The following LSAMP variants were observed in gnomAD, a reference collection of about 807,000 sequenced individuals.
The protein encoded by LSAMP is limbic system associated membrane protein, also known as limbic system-associated membrane protein.
A neutral mutation model predicts 38.6 loss-of-function variants in LSAMP; 7 were observed. The ratio of observed to expected loss-of-function variants is 0.18; its 90% CI spans 0.10 to 0.34. The LOEUF is 0.34. LSAMP is among the 10% of genes least tolerant of loss of function. LSAMP has a pLI of 1.00. For synonymous variants in LSAMP, 154 were observed against 166.8 expected (o/e 0.92, Z 0.59); for missense variants, 313 against 420.0 (o/e 0.75, Z 2.23).
chr3:116,293,921 C>T (rs1221942812), intron 1 of LSAMP, among the ~76,000 whole-genome samples: 4 of 152,028 alleles, frequency 2.6e-5, no homozygotes, highest in Non-Finnish European at 5.9e-5. Context: ...TAATGATACA[C>T]TATACATATA....
intron 1 of LSAMP, among the ~76,000 whole-genome samples, chr3:116,360,369 A>G (rs1576161701): frequency 6.9e-5 from 2 of 29,028 alleles, no homozygotes; most frequent in African/African-American, 3.8e-4. Context: ...CGCCCACGGA[A>G]TCTCGCTGAT....
chr3:116,411,500 A>G (rs1448185190), intron 1 of LSAMP, among the ~76,000 whole-genome samples: 1 of 151,560 alleles, frequency 6.6e-6, no homozygotes, highest in Non-Finnish European at 1.5e-5. Flanking sequence ...ATTGGAAATC[A>G]TCATTCTCAG....
Position 116,027,470 on chromosome 3 carries a change from C to T in LSAMP, c.389-7830G>A, listed in dbSNP as rs564509857. 2.0e-5 allele frequency among the ~76,000 whole-genome samples: 3 copies of T among 152,248 alleles called. No individual in the cohort carries two copies. In the South Asian group the frequency reaches 6.2e-4, roughly 32 times the overall value. On this transcript the variant is annotated intron_variant, in intron 2 of 6. Coordinates refer to ENST00000490035, the MANE Select transcript of LSAMP (RefSeq NM_002338.5). ...TATTTCATATTCTTCCAATGGACCACCTGCTTTATACATCAGACTAGCCAG... is the reference window on the plus strand; with the variant it reads ...TATTTCATATTCTTCCAATGGACCATCTGCTTTATACATCAGACTAGCCAG...
intron 3 of LSAMP, among the ~76,000 whole-genome samples, chr3:115,968,859 G>T (rs1011386549): frequency 2.0e-5 from 3 of 152,326 alleles, no homozygotes; most frequent in Admixed American, 6.5e-5. Context: ...AGGCTTGTTG[G>T]AACTCAGGTT....
chr3:116,427,626 T>TA (rs1483102636), intron 1 of LSAMP, among the ~76,000 whole-genome samples: 2 of 151,914 alleles, frequency 1.3e-5, no homozygotes, highest in Non-Finnish European at 2.9e-5. Flanking sequence ...GTCTTTCTCT[T>TA]AAAAAAATAA....
intron 2 of LSAMP, among the ~76,000 whole-genome samples, chr3:116,058,360 A>C (rs1941529503): frequency 6.6e-6 from 1 of 152,102 alleles, no homozygotes; most frequent in African/African-American, 2.4e-5. Context: ...GGAATGTGAG[A>C]TATCCAACCT....
Position 115,842,570 on chromosome 3 carries a change from T to C in LSAMP, c.658A>G (p.Thr220Ala), listed in dbSNP as rs776483216. ...TCATTGCTCTTGGATTCTGTGATAG[T>C]GGGAGGATCTGTAGGAAGGACAGGC... Reference protein sequence around the residue: ...QVKVTVNYPPTITESKSNEAT... With the variant: ...QVKVTVNYPPAITESKSNEAT... Residue 220 changes from threonine to alanine, a missense_variant, in exon 5 of 7, where the codon ACT becomes GCT. Thr to Ala is a moderately conservative substitution (Grantham distance 58). Coordinates refer to ENST00000490035, the MANE Select transcript of LSAMP (RefSeq NM_002338.5). 28 of 1,613,076 alleles carry C rather than the reference T, an allele frequency of 1.7e-5. No individual in the cohort carries two copies. The highest frequency in any genetic ancestry group is 6.7e-5 in the Admixed American group (4 of 59,976).
chr3:115,910,360 C>G (rs1469338286), intron 3 of LSAMP, among the ~76,000 whole-genome samples: 4 of 152,124 alleles, frequency 2.6e-5, no homozygotes, highest in Non-Finnish European at 4.4e-5. Context: ...TTTTGAAAAA[C>G]CAGGCAAGTT....
In LSAMP at chr3:116,011,202, C is replaced by T. The variant is rs557800828; in HGVS notation, c.514+8313G>A. On this transcript the variant is annotated intron_variant, in intron 3 of 6. Coordinates refer to ENST00000490035, the MANE Select transcript of LSAMP (RefSeq NM_002338.5). ...GATTACAGGTGTGAGCCACTGCACC[C>T]GGCCAGTTTTTGCATTTTTATAGAT... is the stretch of plus-strand genomic sequence containing the variant. Among the ~76,000 whole-genome samples, 59 of 152,192 alleles carry T rather than the reference C, an allele frequency of 3.9e-4. No homozygotes were observed. In the South Asian group the frequency reaches 6.2e-3, roughly 16 times the overall value.
intron 1 of LSAMP, among the ~76,000 whole-genome samples, chr3:116,304,011 A>G (rs951946451): frequency 6.6e-6 from 1 of 152,150 alleles, no homozygotes; most frequent in African/African-American, 2.4e-5. Context: ...CTGAAGGGGT[A>G]ATAAATGATT....
chr3:115,818,205 C>G (rs1934092774), intron 6 of LSAMP, among the ~76,000 whole-genome samples: 1 of 152,294 alleles, frequency 6.6e-6, no homozygotes, highest in East Asian at 1.9e-4. Flanking sequence ...TGATTCAATA[C>G]TGGCTGGAAA....
intron 1 of LSAMP, among the ~76,000 whole-genome samples, chr3:116,158,056 C>CT (rs1709797149): frequency 6.6e-6 from 1 of 152,022 alleles, no homozygotes; most frequent in Admixed American, 6.6e-5. Context: ...TCAACATACA[C>CT]AAATCAATAA....
chr3:116,348,441 C>T (rs1405119200), intron 1 of LSAMP, among the ~76,000 whole-genome samples: 1 of 152,098 alleles, frequency 6.6e-6, no homozygotes, highest in African/African-American at 2.4e-5. Context: ...AAGCACCTGA[C>T]ATTCAAGGTT....
chr3:116,245,875 A>C (rs2046599798), intron 1 of LSAMP, among the ~76,000 whole-genome samples: 1 of 152,140 alleles, frequency 6.6e-6, no homozygotes, highest in African/African-American at 2.4e-5. Context: ...TCCTATGGCC[A>C]TTTTCATTAT....
chr3:116,040,342 A>C (rs925575690), intron 2 of LSAMP, among the ~76,000 whole-genome samples: 1 of 152,230 alleles, frequency 6.6e-6, no homozygotes, highest in African/African-American at 2.4e-5. Context: ...CGCTGAAAGG[A>C]GATGAAGGGA....
intron 3 of LSAMP, among the ~76,000 whole-genome samples, chr3:115,918,987 C>T (rs1937320170): frequency 6.6e-6 from 1 of 152,128 alleles, no homozygotes; most frequent in African/African-American, 2.4e-5. Flanking sequence ...TGGACTCACA[C>T]CTCTAATCTT....
chr3:115,847,092 T>G (rs890618020), intron 4 of LSAMP, among the ~76,000 whole-genome samples: 5 of 152,196 alleles, frequency 3.3e-5, no homozygotes, highest in African/African-American at 1.2e-4. Context: ...TTTTATAGTA[T>G]TATTATTCAC....
chr3:115,979,720 G>T (rs932681305), intron 3 of LSAMP, among the ~76,000 whole-genome samples: 1 of 152,042 alleles, frequency 6.6e-6, no homozygotes, highest in Non-Finnish European at 1.5e-5. Flanking sequence ...ATGGTTCCAC[G>T]AATAGTAATT....
At chr3:116,226,633 G>C (rs2046344950) in intron 1 of LSAMP, among the ~76,000 whole-genome samples, 1 of 152,238 alleles carries the variant, frequency 6.6e-6, no homozygotes, top group African/African-American at 2.4e-5. Context: ...CATTCTTGCA[G>C]AATTACATAT....
Sources: allele counts gnomAD v4.1 joint callset (sites outside exome capture counted in the v4.1 genomes callset), GRCh38; gene constraint gnomAD v4.1.1; transcripts MANE v1.5; gene names NCBI Gene and HGNC (gene_info 2026-07-23, HGNC 2026-07-21).